ANKS1B: variants seen among roughly 807,000 people sequenced by gnomAD.
ANKS1B encodes the protein ankyrin repeat and sterile alpha motif domain-containing protein 1B.
A neutral mutation model predicts 148.3 loss-of-function variants in ANKS1B; 36 were observed. The ratio of observed to expected loss-of-function variants is 0.24; its 90% CI spans 0.19 to 0.32. ANKS1B has a LOEUF of 0.32. Among genes scored for constraint, ANKS1B ranks in the 10% least tolerant of loss-of-function variants. ANKS1B has a pLI of 1.00. For missense variants in ANKS1B, 1,157 were observed against 1,542.6 expected (o/e 0.75, Z 4.19); for synonymous variants, 542 against 560.8 (o/e 0.97, Z 0.47).
intron 1 of ANKS1B, among the ~76,000 whole-genome samples, chr12:99,868,086 C>T (rs2090993035): frequency 6.6e-6 from 1 of 152,038 alleles, no homozygotes; most frequent in Non-Finnish European, 1.5e-5. Context: ...TAAAATTCAA[C>T]ACCAATTAAT....
intron 8 of ANKS1B, among the ~76,000 whole-genome samples, chr12:99,657,357 G>A (rs1314918789): frequency 6.6e-6 from 1 of 152,058 alleles, no homozygotes; most frequent in Non-Finnish European, 1.5e-5. Flanking sequence ...ATAACCTGTG[G>A]AAGACAATAT....
intron 9 of ANKS1B, among the ~76,000 whole-genome samples, chr12:99,527,844 C>A (rs1003546876): frequency 3.4e-5 from 5 of 148,360 alleles, no homozygotes; most frequent in Admixed American, 1.3e-4. Flanking sequence ...ACATTCTTAA[C>A]ATAATGAGAA....
intron 8 of ANKS1B, among the ~76,000 whole-genome samples, chr12:99,697,621 T>G (rs932865243): frequency 7.9e-5 from 12 of 152,116 alleles, no homozygotes; most frequent in Non-Finnish European, 1.6e-4. Flanking sequence ...CAAAAGGTTT[T>G]TAGGGTAGTG....
At chr12:99,530,083 C>A (rs2096972154) in intron 9 of ANKS1B, among the ~76,000 whole-genome samples, 1 of 152,180 alleles carries the variant, frequency 6.6e-6, no homozygotes, top group Admixed American at 6.5e-5. Flanking sequence ...TGTTGTAGCA[C>A]AGAAGCAGCC....
intron 8 of ANKS1B, among the ~76,000 whole-genome samples, chr12:99,709,547 GA>G (rs980561120): frequency 9.9e-5 from 15 of 152,126 alleles, no homozygotes; most frequent in Non-Finnish European, 2.2e-4. Flanking sequence ...ATAATACCCA[GA>G]GAGGATTAGG....
chr12:99,976,366 G>T (rs1034380856), intron 1 of ANKS1B, among the ~76,000 whole-genome samples: 1 of 152,094 alleles, frequency 6.6e-6, no homozygotes, highest in Non-Finnish European at 1.5e-5. Flanking sequence ...TAAATATTCA[G>T]ATAGGCTGGA....
At chr12:98,856,180 T>A (rs975192693) in intron 17 of ANKS1B, among the ~76,000 whole-genome samples, 2 of 152,268 alleles carry the variant, frequency 1.3e-5, no homozygotes, top group African/African-American at 4.8e-5. Flanking sequence ...GCCTGCTACA[T>A]CATGGTTTAG....
chr12:99,212,847 C>T (rs190364906), intron 14 of ANKS1B, among the ~76,000 whole-genome samples: 27 of 152,276 alleles, frequency 1.8e-4, no homozygotes, highest in African/African-American at 4.8e-4. Context: ...AGAGTGCCTA[C>T]GCTTGTGCTA....
At chr12:99,807,203 T>C (rs2067732331) in intron 3 of ANKS1B, among the ~76,000 whole-genome samples, 1 of 152,184 alleles carries the variant, frequency 6.6e-6, no homozygotes, top group African/African-American at 2.4e-5. Context: ...CATTGCTTCC[T>C]TTGCAAAGAA....
At chr12:99,843,926 T>C (rs2086186427) in intron 1 of ANKS1B, among the ~76,000 whole-genome samples, 1 of 152,176 alleles carries the variant, frequency 6.6e-6, no homozygotes, top group Admixed American at 6.5e-5. Context: ...GTTTTTTAAC[T>C]TTTTAATAAC....
intron 1 of ANKS1B, among the ~76,000 whole-genome samples, chr12:99,850,281 G>GTCTC (rs71436968): frequency 0.012 from 1,367 of 114,232 alleles, 31 homozygotes; most frequent in Non-Finnish European, 0.013. Flanking sequence ...AAGCAAGAAA[G>GTCTC]TCTCTCTCTC....
chr12:99,555,970 C>G (rs1032103610), intron 9 of ANKS1B, among the ~76,000 whole-genome samples: 2 of 152,170 alleles, frequency 1.3e-5, no homozygotes, highest in Admixed American at 1.3e-4. Flanking sequence ...AGAGAAGTCT[C>G]TCCTCTTGAA....
At chr12:99,490,629 T>C (rs1216322198) in intron 10 of ANKS1B, among the ~76,000 whole-genome samples, 1 of 152,246 alleles carries the variant, frequency 6.6e-6, no homozygotes, top group Non-Finnish European at 1.5e-5. Context: ...TGAATTTGTG[T>C]GTTCTAATAT....
chr12:99,502,214 G>A (rs1360059617), intron 10 of ANKS1B, among the ~76,000 whole-genome samples: 1 of 151,926 alleles, frequency 6.6e-6, no homozygotes, highest in Non-Finnish European at 1.5e-5. Flanking sequence ...TCTATTTCCT[G>A]CATTTTCCTA....
intron 12 of ANKS1B, among the ~76,000 whole-genome samples, chr12:99,379,451 T>C (rs1222607160): frequency 6.6e-6 from 1 of 152,206 alleles, no homozygotes; most frequent in East Asian, 1.9e-4. Context: ...TTGTGAGAAT[T>C]AAATTAGTGA....
Position 99,327,289 on chromosome 12 carries a change from CAT to C in ANKS1B, c.1756+72340_1756+72341del, listed in dbSNP as rs543022907. On this transcript the variant is annotated intron_variant, in intron 12 of 26. Transcript: ENST00000683438. ...TAATTATAATTTATTATAATTATAACATATAAAATATGTAATTATATATTATA... is the reference window on the plus strand; with the variant it reads ...TAATTATAATTTATTATAATTATAACATAAAATATGTAATTATATATTATA... Among the ~76,000 whole-genome samples, 116 of 99,980 alleles carry C rather than the reference CAT, an allele frequency of 1.2e-3. No homozygotes were observed. In the South Asian group the frequency reaches 0.019, roughly 17 times the overall value. The allele number at this position is 99,980 out of a possible 152,430, so 65.6% of individuals were successfully genotyped here.
intron 9 of ANKS1B, among the ~76,000 whole-genome samples, chr12:99,577,277 A>ACT (rs1199650964): frequency 3.3e-5 from 5 of 149,684 alleles, no homozygotes; most frequent in Admixed American, 1.3e-4. Context: ...GTCATTAAAA[A>ACT]CTCTCTGTTC....
At chr12:98,953,551 T>TG (rs2099857468) in intron 17 of ANKS1B, among the ~76,000 whole-genome samples, 1 of 140,110 alleles carries the variant, frequency 7.1e-6, no homozygotes, top group Admixed American at 7.1e-5. Context: ...TTTTTTTTTT[T>TG]TTTTTTTTTT....
intron 8 of ANKS1B, among the ~76,000 whole-genome samples, chr12:99,754,917 C>T (rs557613020): frequency 7.2e-5 from 11 of 151,990 alleles, no homozygotes; most frequent in Non-Finnish European, 1.5e-4. Flanking sequence ...AAGTTAACAA[C>T]CTAACATCAC....
Sources: gnomAD v4.1 joint callset for allele counts (sites outside exome capture counted in the v4.1 genomes callset) on GRCh38, gnomAD v4.1.1 for gene constraint, MANE v1.5 for transcripts, NCBI Gene and HGNC (gene_info 2026-07-23, HGNC 2026-07-21) for gene names.